CDCA8: variants seen among roughly 807,000 people sequenced by gnomAD.
CDCA8 encodes borealin.
Under a neutral mutation model 40.0 loss-of-function variants are expected in CDCA8, and 25 were observed. That is an observed-to-expected ratio of 0.63 (90% CI 0.46 to 0.87). The LOEUF (loss-of-function observed/expected upper bound fraction) is 0.87. Ranked by LOEUF, CDCA8 falls within the 40% of genes least tolerant of loss-of-function variation. The pLI is 0.00. For missense variants in CDCA8, 280 were observed against 348.4 expected (o/e 0.80, Z 1.56); for synonymous variants, 111 against 126.5 (o/e 0.88, Z 0.82).
intron 2 of CDCA8, among the ~76,000 whole-genome samples, chr1:37,693,360 G>T (rs576668057): frequency 3.3e-5 from 5 of 152,202 alleles, no homozygotes; most frequent in African/African-American, 1.2e-4. Context: ...ACTGAAATGT[G>T]AATTTCACAT....
rs1557515700 is a variant in CDCA8 at position 37,696,140 on chromosome 1, G to A, written c.264+190G>A. ...CAGATAGTTCTGAGCCCTACAGAAGGTGGCAGTTCTGTTTTTGACCAATTT... is the reference window on the plus strand; with the variant it reads ...CAGATAGTTCTGAGCCCTACAGAAGATGGCAGTTCTGTTTTTGACCAATTT... On this transcript the variant is annotated intron_variant, in intron 3 of 9. Coordinates refer to ENST00000373055, the MANE Select transcript of CDCA8 (RefSeq NM_001256875.2). The surrounding 1 kb of genome is among the most constrained non-coding windows in gnomAD (Gnocchi z 5.0). 3.3e-5 allele frequency among the ~76,000 whole-genome samples: 5 copies of A among 152,200 alleles called. No individual in the cohort carries two copies. Among genetic ancestry groups the A allele is most frequent in the Admixed American group, 2.6e-4 (4 of 15,270 alleles).
At chr1:37,694,468 C>T (rs927698768) in intron 2 of CDCA8, among the ~76,000 whole-genome samples, 13 of 152,206 alleles carry the variant, frequency 8.5e-5, no homozygotes, top group Non-Finnish European at 1.6e-4. Flanking sequence ...CAGACATTGT[C>T]TCTGCCTTCA....
At chr1:37,701,867 AT>A in intron 6 of CDCA8, 49 bp downstream of exon 6, 1 of 1,392,106 alleles carries the variant, frequency 7.2e-7, no homozygotes, top group Non-Finnish European at 1.0e-6. Flanking sequence ...TTGGAGAGCC[AT>A]ATATATCATG....
rs1645527172 is a variant in CDCA8 at position 37,696,353 on chromosome 1, C to T, written c.264+403C>T. Among the ~76,000 whole-genome samples the T allele has an allele frequency of 1.3e-5, 2 of 152,324 alleles. No individual in the cohort carries two copies. The highest frequency in any genetic ancestry group is 4.1e-4 in the South Asian group (2 of 4,828). On this transcript the variant is annotated intron_variant, in intron 3 of 9. Transcript: ENST00000373055. The surrounding 1 kb of genome is among the most constrained non-coding windows in gnomAD (Gnocchi z 5.0). The stretch of plus-strand genomic sequence containing the variant: ...ATTCCCCAACCCCTCTCATCTCCTT[C>T]CTCCCAGCATCAGTGCCAGGATTGA...
intron 9 of CDCA8, 32 bp from the exon 10 acceptor site, chr1:37,708,287 ATCT>A (rs1289829861): frequency 1.2e-6 from 2 of 1,607,442 alleles, no homozygotes; most frequent in South Asian, 2.2e-5. Flanking sequence ...GCCAAGTGAC[ATCT>A]TCTACAATGA....
intron 3 of CDCA8, 64 bp from the exon 4 acceptor site, chr1:37,698,841 T>A (rs1424189368): frequency 9.1e-7 from 1 of 1,100,594 alleles, no homozygotes; most frequent in Non-Finnish European, 1.4e-6. Flanking sequence ...GTTTTTATCT[T>A]GAAATATTGT....
In CDCA8 at chr1:37,696,624, C is replaced by CT. The variant is rs1206584824; in HGVS notation, c.264+675dup. Among the ~76,000 whole-genome samples, 1 of 152,250 alleles carries CT rather than the reference C, an allele frequency of 6.6e-6. No individual in the cohort carries two copies. The highest frequency in any genetic ancestry group is 1.5e-5 in the Non-Finnish European group (1 of 68,048). On this transcript the variant is annotated intron_variant, in intron 3 of 9. Coordinates refer to ENST00000373055, the MANE Select transcript of CDCA8 (RefSeq NM_001256875.2). This position sits in a 1 kb window ranked among gnomAD's most constrained non-coding sequence, Gnocchi z 5.0. Reference sequence around the variant, plus strand: ...AAGTTTTATGAGACAGCATTGGGAACTAGTCCATACATGGGCTTCACAGAG... The same window carrying CT: ...AAGTTTTATGAGACAGCATTGGGAACTTAGTCCATACATGGGCTTCACAGAG...
chr1:37,700,338 A>G, intron 4 of CDCA8, 98 bp from the exon 5 acceptor site: 1 of 727,974 alleles, frequency 1.4e-6, no homozygotes, highest in South Asian at 1.6e-5. Context: ...TCTTCCTTGC[A>G]GCTTAAGATT....
intron 8 of CDCA8, among the ~76,000 whole-genome samples, chr1:37,706,729 G>C (rs1026353037): frequency 8.5e-5 from 13 of 152,252 alleles, no homozygotes; most frequent in Non-Finnish European, 4.4e-5. Flanking sequence ...AGGACGGTTT[G>C]TTTCAGACAT....
chr1:37,707,071 C>T lies in CDCA8; in HGVS notation c.798+7C>T. On this transcript the variant is annotated splice_region_variant and intron_variant, in intron 9 of 9. Coordinates refer to ENST00000373055, the MANE Select transcript of CDCA8 (RefSeq NM_001256875.2). Reference sequence around the variant, plus strand: ...AAACATTAAGAAGCTCTCCGTAAGTCTCATATTCATCTCCACACATAGGAT... The same window carrying T: ...AAACATTAAGAAGCTCTCCGTAAGTTTCATATTCATCTCCACACATAGGAT... 3 of 1,609,476 alleles carry T rather than the reference C, an allele frequency of 1.9e-6. No individual in the cohort carries two copies. The highest frequency in any genetic ancestry group is 1.3e-5 in the African/African-American group (1 of 74,958).
Position 37,705,543 on chromosome 1 carries a change from C to T in CDCA8, c.687C>T (p.Leu229=), listed in dbSNP as rs1308692661. The T allele has an allele frequency of 6.2e-7, 1 of 1,613,538 alleles. No homozygotes were observed. Among genetic ancestry groups the T allele is most frequent in the African/African-American group, 1.3e-5 (1 of 74,914 alleles). Reference sequence around the variant, plus strand: ...TTGCTGACAGCAAAGAGATCTTCCTCACTGTGCCAGTGGGCGGCGGAGAGG... The same window carrying T: ...TTGCTGACAGCAAAGAGATCTTCCTTACTGTGCCAGTGGGCGGCGGAGAGG... ...SPLADSKEIF[L]TVPVGGGESL... is the part of the protein sequence containing the mutation. The change falls in exon 8 of 10, where the codon CTC becomes CTT. Residue 229 remains leucine (L), a synonymous_variant. Coordinates refer to ENST00000373055, the MANE Select transcript of CDCA8 (RefSeq NM_001256875.2).
In CDCA8 at chr1:37,696,285, A is replaced by G. The variant is rs1645526029; in HGVS notation, c.264+335A>G. Among the ~76,000 whole-genome samples the G allele has an allele frequency of 6.6e-6, 1 of 152,160 alleles. No homozygotes were observed. The highest frequency in any genetic ancestry group is 2.4e-5 in the African/African-American group (1 of 41,428). Reference sequence around the variant, plus strand: ...TGCTAGATGATAAAGGTGTTTCATCATGTCGTACTGTAGAAGCAGTGCTTT... The same window carrying G: ...TGCTAGATGATAAAGGTGTTTCATCGTGTCGTACTGTAGAAGCAGTGCTTT... On this transcript the variant is annotated intron_variant, in intron 3 of 9. Coordinates refer to ENST00000373055, the MANE Select transcript of CDCA8 (RefSeq NM_001256875.2). The surrounding 1 kb of genome is among the most constrained non-coding windows in gnomAD (Gnocchi z 5.0).
At chr1:37,695,537 G>A (rs940194835) in intron 2 of CDCA8, among the ~76,000 whole-genome samples, 23 of 152,062 alleles carry the variant, frequency 1.5e-4, no homozygotes, top group Admixed American at 9.2e-4. Flanking sequence ...CCAAGGAGGC[G>A]CCACTCCACT....
At position 37,695,975 on chromosome 1, in the gene CDCA8, G is replaced by A. The variant is rs369030278; in HGVS notation, c.264+25G>A. ...AGTAAGTGACCTTTCCTATTTTCCA[G>A]CCAGTGGTTACTTAAGTCTAGTCCA... On this transcript the variant is annotated intron_variant, in intron 3 of 9. Transcript: ENST00000373055. 8.6e-5 allele frequency: 139 copies of A among 1,611,700 alleles called. 1 individual carries two copies. In the African/African-American group the frequency reaches 1.8e-3, roughly 21 times the overall value.
chr1:37,699,845 G>A (rs575430050), intron 4 of CDCA8, among the ~76,000 whole-genome samples: 181 of 152,138 alleles, frequency 1.2e-3, no homozygotes, highest in Non-Finnish European at 1.4e-3. Context: ...GCGTGAACCC[G>A]GGAGGTGGAG....
intron 2 of CDCA8, among the ~76,000 whole-genome samples, chr1:37,695,002 T>C (rs12747946): frequency 0.068 from 10,320 of 152,162 alleles, 439 homozygotes; most frequent in Middle Eastern, 0.16. Context: ...TGAGTAGTTA[T>C]TGGGTATAAT....
chr1:37,706,663 G>C (rs978425733), intron 8 of CDCA8, among the ~76,000 whole-genome samples: 1 of 152,262 alleles, frequency 6.6e-6, no homozygotes, highest in Admixed American at 6.5e-5. Context: ...AGCAAGCTGA[G>C]CTCAGTGTCT....
chr1:37,701,687 A>AAAC, intron 5 of CDCA8, 67 bp from the exon 6 acceptor site: 1 of 1,060,172 alleles, frequency 9.4e-7, no homozygotes, highest in African/African-American at 1.7e-5. Context: ...AAAAAAAAAA[A>AAAC]AACCCTCCTT....
intron 5 of CDCA8, among the ~76,000 whole-genome samples, chr1:37,701,496 T>A (rs1645563772): frequency 6.6e-6 from 1 of 152,158 alleles, no homozygotes. Flanking sequence ...CAAGCCAGGC[T>A]GCAATCAGTT....
Sources: allele counts gnomAD v4.1 joint callset (sites outside exome capture counted in the v4.1 genomes callset), GRCh38; gene constraint gnomAD v4.1.1; non-coding constraint Gnocchi (gnomAD v3.1); transcripts MANE v1.5; gene names NCBI Gene and HGNC (gene_info 2026-07-23, HGNC 2026-07-21).